FLT4: variants seen among roughly 807,000 people sequenced by gnomAD.
FLT4 encodes the protein fms related receptor tyrosine kinase 4.
In FLT4, 30 loss-of-function variants were observed where a neutral mutation model predicts 163.2. The ratio of observed to expected loss-of-function variants is 0.18; its 90% CI spans 0.14 to 0.25. The LOEUF (loss-of-function observed/expected upper bound fraction) is 0.25. Ranked by LOEUF, FLT4 falls within the 10% of genes least tolerant of loss-of-function variation. The pLI is 1.00. For synonymous variants in FLT4, 884 were observed against 789.5 expected (o/e 1.12, Z -2.01); for missense variants, 1,510 against 1,863.8 (o/e 0.81, Z 3.50).
chr5:180,626,316 A>C, intron 8 of FLT4, 51 bp from the exon 9 acceptor site: 2 of 1,594,614 alleles, frequency 1.3e-6, no homozygotes, highest in South Asian at 1.1e-5. Context: ...CACAGCCCCA[A>C]CCTCATGCTG....
chr5:180,647,707 C>A (rs903344404), intron 1 of FLT4, among the ~76,000 whole-genome samples: 1 of 152,020 alleles, frequency 6.6e-6, no homozygotes, highest in South Asian at 2.1e-4. Context: ...GCAGGGCTCA[C>A]GGAGGGATGA....
chr5:180,609,297 G>A, intron 28 of FLT4: 1 of 574,702 alleles, frequency 1.7e-6, no homozygotes, highest in Non-Finnish European at 3.1e-6. Context: ...TCATACTTGG[G>A]GACCTCCACG....
chr5:180,613,001 G>T lies in FLT4; in HGVS notation c.3431+10C>A. The T allele has an allele frequency of 6.2e-7, 1 of 1,606,102 alleles. No homozygotes were observed. Among genetic ancestry groups the T allele is most frequent in the Non-Finnish European group, 8.5e-7 (1 of 1,173,776 alleles). On this transcript the variant is annotated intron_variant, in intron 25 of 29. Coordinates refer to ENST00000261937, the MANE Select transcript of FLT4 (RefSeq NM_182925.5). ...GTCCCCAAAACCTGCAGGGCCATGG[G>T]GAGGCTCACATGGCGGGAGTGGCCA... is the stretch of plus-strand genomic sequence containing the variant.
At chr5:180,609,087 C>T (rs749717941) in intron 28 of FLT4, 34 bp from the exon 29 acceptor site, 48 of 1,586,316 alleles carry the variant, frequency 3.0e-5, no homozygotes, top group Middle Eastern at 1.7e-4. Flanking sequence ...CTGTGGGTCC[C>T]GCCTGAGGCC....
At position 180,636,028 on chromosome 5, in the gene FLT4, G is replaced by C. The variant is rs1008446257; in HGVS notation, c.59-4250C>G. ...GGATGGGTGGAAGAGTGGGTGGACA[G>C]GTGAAAGGTAAGTGGATGGGTGAAG... On this transcript the variant is annotated intron_variant, in intron 1 of 29. Coordinates refer to ENST00000261937, the MANE Select transcript of FLT4 (RefSeq NM_182925.5). This position sits in a 1 kb window ranked among gnomAD's most constrained non-coding sequence, Gnocchi z 4.3. 2.0e-5 allele frequency among the ~76,000 whole-genome samples: 3 copies of C among 151,396 alleles called. No homozygotes were observed. The highest frequency in any genetic ancestry group is 2.0e-4 in the Admixed American group (3 of 15,202).
chr5:180,640,714 T>A (rs1045706951), intron 1 of FLT4, among the ~76,000 whole-genome samples: 2 of 152,356 alleles, frequency 1.3e-5, no homozygotes, highest in South Asian at 4.1e-4. Context: ...TTTCCTCCCA[T>A]GATGTGGGAG....
At chr5:180,616,770 C>T (rs1762725763) in intron 22 of FLT4, 130 bp downstream of exon 22, 1 of 885,112 alleles carries the variant, frequency 1.1e-6, no homozygotes, top group South Asian at 1.3e-5. Context: ...AGAGTTTCCT[C>T]CTCTGCAAAG....
rs777070924 is a variant in FLT4, at chr5:180,620,222, C to T, written c.2493G>A (p.Leu831=). 8.1e-6 allele frequency: 13 copies of T among 1,611,400 alleles called. No homozygotes were observed. Among genetic ancestry groups the T allele is most frequent in the Non-Finnish European group, 8.5e-6 (10 of 1,179,970 alleles). The change falls in exon 17 of 30, where the codon CTG becomes CTA. Residue 831 remains leucine (L), a synonymous_variant. Coordinates refer to ENST00000261937, the MANE Select transcript of FLT4 (RefSeq NM_182925.5). The surrounding 1 kb of genome is among the most constrained non-coding windows in gnomAD (Gnocchi z 4.4). ...EVPLEEQCEY[L]SYDASQWEFP... is the part of the protein sequence containing the mutation. Reference sequence around the variant, plus strand: ...ATTCCCACTGGCTGGCATCGTAGGACAGGTATTCGCATTGCTCCTCCAGAG... The same window carrying T: ...ATTCCCACTGGCTGGCATCGTAGGATAGGTATTCGCATTGCTCCTCCAGAG...
chr5:180,646,705 C>G (rs1001301212), intron 1 of FLT4, among the ~76,000 whole-genome samples: 2 of 152,216 alleles, frequency 1.3e-5, no homozygotes, highest in Non-Finnish European at 2.9e-5. Flanking sequence ...GGGCCAGGTC[C>G]AAGTCCTCCC....
chr5:180,646,126 CCTT>C (rs1374056351), intron 1 of FLT4, among the ~76,000 whole-genome samples: 1 of 152,132 alleles, frequency 6.6e-6, no homozygotes, highest in Non-Finnish European at 1.5e-5. Flanking sequence ...TTTCCTCCCT[CCTT>C]ATCTGGCCGG....
intron 20 of FLT4, 28 bp downstream of exon 20, chr5:180,618,993 C>T (rs1214543082): frequency 1.3e-6 from 2 of 1,546,848 alleles, no homozygotes; most frequent in Non-Finnish European, 1.7e-6. Context: ...CCCCGCCGCC[C>T]GCGGCGCCCC....
chr5:180,649,837 G>T (rs1346789165), upstream of FLT4, among the ~76,000 whole-genome samples: 1 of 152,094 alleles, frequency 6.6e-6, no homozygotes, highest in Non-Finnish European at 1.5e-5. Flanking sequence ...CGCTCCGGAG[G>T]TGATGGAGCC....
At chr5:180,616,703 C>T (rs1762721012) in intron 22 of FLT4, among the ~76,000 whole-genome samples, 197 bp downstream of exon 22, 1 of 152,184 alleles carries the variant, frequency 6.6e-6, no homozygotes, top group Admixed American at 6.5e-5. Context: ...TGGAGTCAAA[C>T]AGACTCTGCT....
Position 180,602,530 on chromosome 5 carries a change from T to G in FLT4, c.*662A>C, listed in dbSNP as rs1490536742. 3 of 399,314 alleles carry G rather than the reference T, an allele frequency of 7.5e-6. No individual in the cohort carries two copies. The highest frequency in any genetic ancestry group is 4.1e-5 in the African/African-American group (2 of 48,650). 24.7% of individuals were successfully genotyped at this position (399,314 alleles called of 1,614,324 possible). A position where few individuals can be genotyped will look rare whatever the true frequency, so the allele number is the denominator to read the frequency against. ...TTGAAAAAGACTTGCAGGATGGCTC[T>G]CAACACCCAGGCGCAGGTGTGCGGG... is the stretch of plus-strand genomic sequence containing the variant. On this transcript the variant is annotated 3_prime_UTR_variant, in exon 30 of 30. Transcript: ENST00000261937.
chr5:180,646,957 C>T (rs539089080), intron 1 of FLT4, among the ~76,000 whole-genome samples: 1 of 152,182 alleles, frequency 6.6e-6, no homozygotes, highest in Non-Finnish European at 1.5e-5. Context: ...CACCTGCATT[C>T]GAGTCCTCAG....
intron 10 of FLT4, among the ~76,000 whole-genome samples, chr5:180,624,825 C>A (rs1377703039): frequency 3.3e-5 from 5 of 152,214 alleles, no homozygotes; most frequent in Non-Finnish European, 5.9e-5. Context: ...TGGCCTCCTG[C>A]CAGGATTGGG....
chr5:180,624,175 G>A (rs1033076446), intron 10 of FLT4, 114 bp from the exon 11 acceptor site: 2 of 1,274,952 alleles, frequency 1.6e-6, no homozygotes, highest in African/African-American at 2.9e-5. Context: ...TGGGGTCGTG[G>A]GCGAGGCTGG....
intron 28 of FLT4, 55 bp downstream of exon 28, chr5:180,609,850 G>C (rs890067233): frequency 8.1e-6 from 13 of 1,608,812 alleles, no homozygotes; most frequent in Middle Eastern, 1.7e-4. Flanking sequence ...TGCCTCCCCT[G>C]AGGCGGCCCC....
In FLT4 at chr5:180,611,408, G is replaced by A. The variant is rs2127791444; in HGVS notation, c.3609C>T (p.Ser1203=). ...SSEEGSFSQV[S]TMALHIAQAD... ...CCTGGGCGATGTGTAGGGCCATGGT[G>A]GACACCTGCGAGAAGCTGCCCTCTT... The change falls in exon 27 of 30, where the codon TCC becomes TCT. Residue 1203 remains serine, a synonymous_variant. Coordinates refer to ENST00000261937, the MANE Select transcript of FLT4 (RefSeq NM_182925.5). 1 of 1,614,050 alleles carries A rather than the reference G, an allele frequency of 6.2e-7. No individual in the cohort carries two copies. Among genetic ancestry groups the A allele is most frequent in the Admixed American group, 1.7e-5 (1 of 60,030 alleles).
Sources: allele counts gnomAD v4.1 joint callset (sites outside exome capture counted in the v4.1 genomes callset), GRCh38; gene constraint gnomAD v4.1.1; non-coding constraint Gnocchi (gnomAD v3.1); transcripts MANE v1.5; gene names NCBI Gene and HGNC (gene_info 2026-07-23, HGNC 2026-07-21).